NINL: variants seen among roughly 807,000 people sequenced by gnomAD.
The protein encoded by NINL is ninein like, also known as ninein-like protein.
NINL carries 153 observed loss-of-function variants against 160.3 expected under a neutral mutation model. The ratio of observed to expected loss-of-function variants is 0.95; its 90% CI spans 0.84 to 1.09. The LOEUF (loss-of-function observed/expected upper bound fraction) is 1.09, where lower values mean the gene tolerates loss of function less well. NINL is among the 50% of genes least tolerant of loss of function. The pLI is 0.00. For missense variants in NINL, 1,829 were observed against 1,764.0 expected (o/e 1.04, Z -0.66); for synonymous variants, 800 against 734.8 (o/e 1.09, Z -1.43).
intron 8 of NINL, among the ~76,000 whole-genome samples, chr20:25,500,156 T>A (rs1434052982): frequency 6.6e-6 from 1 of 152,130 alleles, no homozygotes; most frequent in African/African-American, 2.4e-5. Flanking sequence ...TCTTCCATCA[T>A]CCATGCTGGG....
At chr20:25,497,718 C>G (rs1434318336) in intron 9 of NINL, among the ~76,000 whole-genome samples, 1 of 152,256 alleles carries the variant, frequency 6.6e-6, no homozygotes, top group African/African-American at 2.4e-5. Flanking sequence ...CTTCCTCCTG[C>G]TGACAGCCCA....
intron 17 of NINL, among the ~76,000 whole-genome samples, chr20:25,475,088 C>T (rs761830486): frequency 2.1e-4 from 32 of 151,482 alleles, no homozygotes; most frequent in Admixed American, 3.9e-4. Flanking sequence ...CTAGTTGTTA[C>T]GAGGTTTTAA....
Position 25,476,773 on chromosome 20 carries a change from G to A in NINL, c.2518C>T (p.Gln840Ter), listed in dbSNP as rs372426470. Residue 840 changes from glutamine to a stop codon, truncating the protein, a stop_gained, in exon 17 of 24, where the codon CAG becomes TAG. Transcript: ENST00000278886. LOFTEE classifies it high-confidence loss of function. ...GGTAGGAGGCCACGTGTGCCCTCCT[G>A]GCCACTTCCTGCCACCAGCCCATCT... ...PKDGLVAGSG[Q>*]EGTRGLLPLR... 2 of 1,611,182 alleles carry A rather than the reference G, an allele frequency of 1.2e-6. No individual in the cohort carries two copies. The highest frequency in any genetic ancestry group is 1.1e-5 in the South Asian group (1 of 91,080).
intron 3 of NINL, among the ~76,000 whole-genome samples, chr20:25,515,114 A>G (rs368056845): frequency 2.0e-5 from 3 of 152,300 alleles, no homozygotes; most frequent in African/African-American, 7.2e-5. Context: ...AGCTTGCACT[A>G]TGCACCTGGA....
At position 25,461,512 on chromosome 20, in the gene NINL, TCA is replaced by T; in HGVS notation, c.3696+8_3696+9del. On this transcript the variant is annotated splice_region_variant and intron_variant, in intron 21 of 23. Transcript: ENST00000278886. The stretch of plus-strand genomic sequence containing the variant: ...TGGACCCAGTGCCTCCAGCCATCGC[TCA>T]CACCCACCTGGTCTTGACTTTCCTC... The T allele has an allele frequency of 6.6e-7, 1 of 1,521,162 alleles. No individual in the cohort carries two copies. Among genetic ancestry groups the T allele is most frequent in the Non-Finnish European group, 8.8e-7 (1 of 1,130,382 alleles). 94.2% of individuals were successfully genotyped at this position (1,521,162 alleles called of 1,614,324 possible).
intron 1 of NINL, among the ~76,000 whole-genome samples, chr20:25,534,688 A>G (rs1450580283): frequency 6.6e-6 from 1 of 152,214 alleles, no homozygotes; most frequent in Non-Finnish European, 1.5e-5. Flanking sequence ...AAATATTGTT[A>G]TGTGGTATAT....
intron 13 of NINL, among the ~76,000 whole-genome samples, chr20:25,488,211 G>A (rs2063543378): frequency 6.6e-6 from 1 of 152,156 alleles, no homozygotes; most frequent in South Asian, 2.1e-4. Flanking sequence ...GGTGTGAAGT[G>A]ACTTCCTTGC....
rs1011800709 is a variant in NINL at position 25,526,321 on chromosome 20, C to T, written c.180+87G>A. On this transcript the variant is annotated intron_variant, in intron 2 of 23. Coordinates refer to ENST00000278886, the MANE Select transcript of NINL (RefSeq NM_025176.6). ...ATAACTTTCCTTTGACACTTGAATC[C>T]TTATTCAGCTGATATTTATCAAATG... 7.4e-6 allele frequency: 9 copies of T among 1,208,730 alleles called. No homozygotes were observed. In the African/African-American group the frequency reaches 1.2e-4, roughly 16 times the overall value. The allele number at this position is 1,208,730 out of a possible 1,614,324, so 74.9% of individuals were successfully genotyped here.
chr20:25,513,670 G>T (rs1228344242), intron 3 of NINL, among the ~76,000 whole-genome samples: 1 of 152,216 alleles, frequency 6.6e-6, no homozygotes, highest in Non-Finnish European at 1.5e-5. Context: ...GAGGTGATTG[G>T]ATCATGCAGG....
chr20:25,570,645 T>C (rs1225325844), intron 1 of NINL, among the ~76,000 whole-genome samples: 5 of 113,452 alleles, frequency 4.4e-5, no homozygotes, highest in Admixed American at 1.6e-4. Flanking sequence ...ATACAGATAC[T>C]TTTTTTTTTT....
At chr20:25,489,202 G>A in intron 13 of NINL, 42 bp downstream of exon 13, 3 of 1,582,842 alleles carry the variant, frequency 1.9e-6, no homozygotes, top group Non-Finnish European at 2.6e-6. Flanking sequence ...GAGACCCAGA[G>A]CCTGGACATG....
chr20:25,585,274 G>A (rs1301926715), intron 1 of NINL, among the ~76,000 whole-genome samples, 181 bp downstream of exon 1: 2 of 152,178 alleles, frequency 1.3e-5, no homozygotes, highest in African/African-American at 2.4e-5. Flanking sequence ...GAGGGCGACC[G>A]GAAGAGCAGG....
chr20:25,568,365 C>T (rs2065017914), intron 1 of NINL, among the ~76,000 whole-genome samples: 1 of 151,722 alleles, frequency 6.6e-6, no homozygotes, highest in African/African-American at 2.4e-5. Context: ...ATAAACTCCA[C>T]ACACATAAAT....
intron 1 of NINL, among the ~76,000 whole-genome samples, chr20:25,543,815 G>T (rs1407396068): frequency 1.3e-5 from 2 of 152,050 alleles, no homozygotes; most frequent in Non-Finnish European, 2.9e-5. Context: ...CCACCACGTC[G>T]TTTCCATGAG....
chr20:25,465,841 C>T (rs1339441247), intron 19 of NINL, among the ~76,000 whole-genome samples: 1 of 152,158 alleles, frequency 6.6e-6, no homozygotes, highest in African/African-American at 2.4e-5. Context: ...TTGTGCAGGA[C>T]ACTTTTTAAT....
At chr20:25,514,442 T>C (rs2064128344) in intron 3 of NINL, among the ~76,000 whole-genome samples, 1 of 152,168 alleles carries the variant, frequency 6.6e-6, no homozygotes, top group Non-Finnish European at 1.5e-5. Context: ...CTAAAACATA[T>C]TTAAAAGGGA....
At chr20:25,519,749 G>A (rs1256527011) in intron 2 of NINL, among the ~76,000 whole-genome samples, 2 of 152,074 alleles carry the variant, frequency 1.3e-5, no homozygotes, top group African/African-American at 2.4e-5. Flanking sequence ...GGGTGCGGTG[G>A]CTCTTGCCTG....
chr20:25,469,178 A>G (rs13044443), intron 18 of NINL, among the ~76,000 whole-genome samples: 73 of 88,344 alleles, frequency 8.3e-4, no homozygotes, highest in African/African-American at 2.1e-3. Flanking sequence ...CTCACTGGTG[A>G]GTGTCCCCTT....
intron 1 of NINL, among the ~76,000 whole-genome samples, chr20:25,554,624 CAAAA>C (rs1239768383): frequency 2.0e-5 from 1 of 49,686 alleles, no homozygotes; most frequent in African/African-American, 5.4e-5. Context: ...TGTTCTTTAC[CAAAA>C]AAAAAAACAA....
Sources: gnomAD v4.1 joint callset for allele counts (sites outside exome capture counted in the v4.1 genomes callset) on GRCh38, gnomAD v4.1.1 for gene constraint, MANE v1.5 for transcripts, NCBI Gene and HGNC (gene_info 2026-07-23, HGNC 2026-07-21) for gene names.